The following BEND5 variants were observed in gnomAD, a reference collection of about 807,000 sequenced individuals.
BEND5 encodes BEN domain-containing protein 5.
A neutral mutation model predicts 43.9 loss-of-function variants in BEND5; 22 were observed. The observed-to-expected ratio is 0.50, with a 90% CI of 0.36 to 0.72. The LOEUF is 0.72. Among genes scored for constraint, BEND5 ranks in the 30% least tolerant of loss-of-function variants. The pLI is 0.00. For synonymous variants in BEND5, 228 were observed against 225.9 expected (o/e 1.01, Z -0.08); for missense variants, 428 against 550.6 (o/e 0.78, Z 2.23).
intron 1 of BEND5, among the ~76,000 whole-genome samples, chr1:48,771,739 T>C (rs1644846477): frequency 6.6e-6 from 1 of 152,208 alleles, no homozygotes; most frequent in African/African-American, 2.4e-5. Flanking sequence ...ACTGCTAACT[T>C]TGTAGAAGTT....
Position 48,736,458 on chromosome 1 carries a change from A to G in BEND5, c.895-6T>C. On this transcript the variant is annotated splice_polypyrimidine_tract_variant and splice_region_variant and intron_variant, in intron 4 of 5. Coordinates refer to ENST00000371833, the MANE Select transcript of BEND5 (RefSeq NM_024603.4). The surrounding 1 kb of genome is among the most constrained non-coding windows in gnomAD (Gnocchi z 4.0). Reference sequence around the variant, plus strand: ...ATCCCGCTTCCCAGATGGACCTGAGAGGAATAAGAACACCAGCACCTGTTT... The same window carrying G: ...ATCCCGCTTCCCAGATGGACCTGAGGGGAATAAGAACACCAGCACCTGTTT... 6.2e-7 allele frequency: 1 copy of G among 1,613,656 alleles called. No homozygotes were observed. Among genetic ancestry groups the G allele is most frequent in the East Asian group, 2.2e-5 (1 of 44,878 alleles).
chr1:48,735,741 G>C lies in BEND5; in HGVS notation c.1108+498C>G, dbSNP rs113768630. Among the ~76,000 whole-genome samples the C allele has an allele frequency of 8.6e-3, 1,313 of 152,054 alleles. 21 individuals are homozygous for C. The highest frequency in any genetic ancestry group is 0.03 in the African/African-American group (1,253 of 41,464). ...ATTAACTGCTCCAGGCACAATGCTA[G>C]AACCACCAAGAACTGCGTCCCCTAG... On this transcript the variant is annotated intron_variant, in intron 5 of 5. Coordinates refer to ENST00000371833, the MANE Select transcript of BEND5 (RefSeq NM_024603.4).
At chr1:48,750,632 G>A (rs1651559823) in intron 3 of BEND5, among the ~76,000 whole-genome samples, 2 of 152,202 alleles carry the variant, frequency 1.3e-5, no homozygotes, top group Admixed American at 6.5e-5. Flanking sequence ...ATTTCTCCGT[G>A]CCTAGCACAG....
intron 3 of BEND5, among the ~76,000 whole-genome samples, chr1:48,750,559 T>G (rs565523604): frequency 2.6e-5 from 4 of 152,312 alleles, no homozygotes; most frequent in African/African-American, 9.6e-5. Flanking sequence ...TCACCCTGCA[T>G]CCCAACTGTC....
Position 48,753,453 on chromosome 1 carries a change from C to T in BEND5, c.745+5447G>A, listed in dbSNP as rs528816808. On this transcript the variant is annotated intron_variant, in intron 3 of 5. Transcript: ENST00000371833. ...CTGACATCAGCTGCCTTTTCTAAGG[C>T]ACCATCAGAGACCTGGGCTTAAAGA... Among the ~76,000 whole-genome samples the T allele has an allele frequency of 2.6e-5, 4 of 152,328 alleles. No individual in the cohort carries two copies. The East Asian group carries it at 7.7e-4, about 29-fold the overall frequency.
Position 48,761,182 on chromosome 1 carries a change from C to T in BEND5, c.360+155G>A, listed in dbSNP as rs139149288. ...AGTTGGCCAGCAAGGCAAATACACA[C>T]GAGTTGTCCCACGCTTTCACTACCC... On this transcript the variant is annotated intron_variant, in intron 2 of 5. Transcript: ENST00000371833. 61 of 816,038 alleles carry T rather than the reference C, an allele frequency of 7.5e-5. 1 individual carries two copies. Among genetic ancestry groups the T allele is most frequent in the South Asian group, 5.6e-4 (29 of 52,014 alleles). The allele number at this position is 816,038 out of a possible 1,614,324, so 50.5% of individuals were successfully genotyped here. A position where few individuals can be genotyped will look rare whatever the true frequency, so the allele number is the denominator to read the frequency against.
Position 48,730,394 on chromosome 1 carries a change from A to ACTAT in BEND5, c.1109-2355_1109-2352dup, listed in dbSNP as rs370165938. On this transcript the variant is annotated intron_variant, in intron 5 of 5. Coordinates refer to ENST00000371833, the MANE Select transcript of BEND5 (RefSeq NM_024603.4). ...GGGGACTTCTCTGGGTCTCGGTTTC[A>ACTAT]CTATCTACGAAAGTAGCATTTCAAA... is the stretch of plus-strand genomic sequence containing the variant. Among the ~76,000 whole-genome samples, 683 of 152,312 alleles carry ACTAT rather than the reference A, an allele frequency of 4.5e-3. 8 individuals carry two copies. The highest frequency in any genetic ancestry group is 0.016 in the African/African-American group (660 of 41,566).
intron 3 of BEND5, among the ~76,000 whole-genome samples, chr1:48,753,068 C>T (rs894476262): frequency 1.3e-5 from 2 of 152,182 alleles, no homozygotes; most frequent in African/African-American, 4.8e-5. Context: ...TTTTAAGAAC[C>T]ATAATAGCTG....
At position 48,776,862 on chromosome 1, in the gene BEND5, C is replaced by G; in HGVS notation, c.-31G>C. 6.9e-7 allele frequency: 1 copy of G among 1,443,654 alleles called. No individual in the cohort carries two copies. The highest frequency in any genetic ancestry group is 3.0e-5 in the East Asian group (1 of 33,582). The allele number at this position is 1,443,654 out of a possible 1,614,324, so 89.4% of individuals were successfully genotyped here. On this transcript the variant is annotated 5_prime_UTR_variant, in exon 1 of 6. Transcript: ENST00000371833. Reference sequence around the variant, plus strand: ...GCGCCGGGGGCGGGCCCCGGTCGGGCAGCTCAGCCCGCGGGGCGGGCGCGG... The same window carrying G: ...GCGCCGGGGGCGGGCCCCGGTCGGGGAGCTCAGCCCGCGGGGCGGGCGCGG...
At chr1:48,734,134 A>T (rs140025619) in intron 5 of BEND5, among the ~76,000 whole-genome samples, 44 of 152,326 alleles carry the variant, frequency 2.9e-4, no homozygotes, top group African/African-American at 8.4e-4. Flanking sequence ...AGACAGCAGC[A>T]AGACGAAAGG....
rs12089131 is a variant in BEND5, at chr1:48,748,884, T to A, written c.746-6113A>T. Reference sequence around the variant, plus strand: ...TCTGTGAGTGAGGGCAGGAGCAGGCTTCGTTGGGCAGAGGCAGGAGAAAAA... The same window carrying A: ...TCTGTGAGTGAGGGCAGGAGCAGGCATCGTTGGGCAGAGGCAGGAGAAAAA... On this transcript the variant is annotated intron_variant, in intron 3 of 5. Transcript: ENST00000371833. Among the ~76,000 whole-genome samples, 323 of 152,172 alleles carry A rather than the reference T, an allele frequency of 2.1e-3. 5 individuals carry two copies. Among genetic ancestry groups the A allele is most frequent in the African/African-American group, 7.3e-3 (301 of 41,506 alleles).
At chr1:48,768,810 A>C (rs1339968331) in intron 1 of BEND5, among the ~76,000 whole-genome samples, 1 of 152,210 alleles carries the variant, frequency 6.6e-6, no homozygotes, top group Non-Finnish European at 1.5e-5. Context: ...CATCTATACA[A>C]AAATCCTGTG....
chr1:48,738,831 A>G (rs1245973012), intron 4 of BEND5, among the ~76,000 whole-genome samples: 1 of 152,138 alleles, frequency 6.6e-6, no homozygotes, highest in Non-Finnish European at 1.5e-5. Flanking sequence ...TTCACGTACA[A>G]TGAACCAGGT....
intron 1 of BEND5, among the ~76,000 whole-genome samples, chr1:48,775,447 A>G (rs886714780): frequency 2.6e-5 from 4 of 152,116 alleles, no homozygotes; most frequent in African/African-American, 9.7e-5. Flanking sequence ...AAAATAGAGA[A>G]GGTCTCAAAA....
chr1:48,739,885 A>G (rs528144611), intron 4 of BEND5, among the ~76,000 whole-genome samples: 1 of 152,306 alleles, frequency 6.6e-6, no homozygotes, highest in South Asian at 2.1e-4. Context: ...ATTACTGCAG[A>G]GCTAAGTTCT....
chr1:48,762,306 G>C (rs893982979), intron 1 of BEND5, among the ~76,000 whole-genome samples: 10 of 152,178 alleles, frequency 6.6e-5, no homozygotes, highest in Non-Finnish European at 1.3e-4. Flanking sequence ...CTCAACCTAA[G>C]ATAATCTGTT....
chr1:48,769,398 C>A (rs1003277805), intron 1 of BEND5, among the ~76,000 whole-genome samples: 14 of 152,106 alleles, frequency 9.2e-5, no homozygotes, highest in African/African-American at 3.4e-4. Context: ...TAGCTGCCTC[C>A]ATGTGCCTCA....
At chr1:48,768,027 G>T (rs1397725606) in intron 1 of BEND5, among the ~76,000 whole-genome samples, 2 of 152,126 alleles carry the variant, frequency 1.3e-5, no homozygotes, top group African/African-American at 4.8e-5. Context: ...GAAGTGAAGT[G>T]GCTTTCATAA....
At chr1:48,765,191 G>T (rs565997882) in intron 1 of BEND5, among the ~76,000 whole-genome samples, 1 of 152,010 alleles carries the variant, frequency 6.6e-6, no homozygotes, top group Non-Finnish European at 1.5e-5. Context: ...ATCCACTGGC[G>T]TATGAGTAAC....
Sources: gnomAD v4.1 joint callset for allele counts (sites outside exome capture counted in the v4.1 genomes callset) on GRCh38, gnomAD v4.1.1 for gene constraint, Gnocchi (gnomAD v3.1) non-coding constraint, MANE v1.5 for transcripts, NCBI Gene and HGNC (gene_info 2026-07-23, HGNC 2026-07-21) for gene names.